Variants in EPM2A observed in about 807,000 individuals in gnomAD.
The protein encoded by EPM2A is EPM2A glucan phosphatase, laforin.
Under a neutral mutation model 26.5 loss-of-function variants are expected in EPM2A, and 21 were observed. The observed-to-expected ratio is 0.79, with a 90% CI of 0.56 to 1.14. EPM2A has a LOEUF of 1.14. Ranked by LOEUF, EPM2A falls within the 50% of genes most tolerant of loss-of-function variation. The pLI is 0.00. For missense variants in EPM2A, 458 were observed against 440.8 expected, an observed-to-expected ratio of 1.04 and a Z score of -0.35; for synonymous variants, 217 against 177.6, an observed-to-expected ratio of 1.22 and a Z score of -1.76.
chr6:145,568,322 CTTTTT>C, intron 2 of EPM2A, among the ~76,000 whole-genome samples: 1 of 140,066 alleles, frequency 7.1e-6, no homozygotes, highest in Non-Finnish European at 1.6e-5. Context: ...GGACATCTGA[CTTTTT>C]TTTTTTTTTT....
intron 2 of EPM2A, among the ~76,000 whole-genome samples, chr6:145,555,275 A>C (rs985079160): frequency 7.2e-5 from 11 of 151,988 alleles, no homozygotes; most frequent in Non-Finnish European, 1.2e-4. Context: ...GTAACCCTGG[A>C]CCAGCTCCAG....
At chr6:145,517,261 A>T (rs1451426875) in intron 2 of EPM2A, among the ~76,000 whole-genome samples, 1 of 152,170 alleles carries the variant, frequency 6.6e-6, no homozygotes, top group East Asian at 1.9e-4. Context: ...AGTTCTAGAG[A>T]TCTGTTATAC....
chr6:145,724,218 T>C (rs1193126036), intron 1 of EPM2A, among the ~76,000 whole-genome samples: 1 of 152,034 alleles, frequency 6.6e-6, no homozygotes, highest in Non-Finnish European at 1.5e-5. Context: ...TATGAAACAA[T>C]GGAAATTACA....
At chr6:145,720,445 A>T (rs1044853922) in intron 1 of EPM2A, among the ~76,000 whole-genome samples, 1 of 152,184 alleles carries the variant, frequency 6.6e-6, no homozygotes, top group Non-Finnish European at 1.5e-5. Context: ...GCAACACTTT[A>T]AACTAATGTC....
intron 2 of EPM2A, among the ~76,000 whole-genome samples, chr6:145,643,330 G>T (rs1777222940): frequency 6.6e-6 from 1 of 152,050 alleles, no homozygotes; most frequent in Non-Finnish European, 1.5e-5. Flanking sequence ...GCCTGCATAT[G>T]GCCCAAAACT....
intron 2 of EPM2A, among the ~76,000 whole-genome samples, chr6:145,648,722 A>G (rs1405537044): frequency 6.6e-6 from 1 of 152,208 alleles, no homozygotes; most frequent in Non-Finnish European, 1.5e-5. Context: ...AAATGATTCT[A>G]ATGTACATTA....
At chr6:145,594,656 T>G (rs1304890518) in intron 2 of EPM2A, among the ~76,000 whole-genome samples, 1 of 151,968 alleles carries the variant, frequency 6.6e-6, no homozygotes, top group Non-Finnish European at 1.5e-5. Context: ...ATACTTTTAC[T>G]CAATTATTTT....
At chr6:145,620,536 C>G (rs183902664), downstream of EPM2A, among the ~76,000 whole-genome samples, 17 of 152,306 alleles carry the variant, frequency 1.1e-4, no homozygotes, top group East Asian at 3.1e-3. Context: ...ATAAGGATTT[C>G]TATCAAATAA....
rs187473004 is a variant in EPM2A at position 145,712,276 on chromosome 6, C to G, written c.301+22922G>C. Among the ~76,000 whole-genome samples the G allele has an allele frequency of 2.4e-3, 363 of 152,176 alleles. 3 individuals are homozygous for G. The highest frequency in any genetic ancestry group is 8.6e-3 in the African/African-American group (357 of 41,536). On this transcript the variant is annotated intron_variant, in intron 1 of 3. Transcript: ENST00000367519. Reference sequence around the variant, plus strand: ...TGATAGGAAGAGGACCAATAATTAACAGCAGAAACAATAGCTGGGTCAGCT... The same window carrying G: ...TGATAGGAAGAGGACCAATAATTAAGAGCAGAAACAATAGCTGGGTCAGCT...
At chr6:145,726,183 G>A (rs1776196209) in intron 1 of EPM2A, among the ~76,000 whole-genome samples, 6 of 152,026 alleles carry the variant, frequency 3.9e-5, no homozygotes, top group Admixed American at 3.9e-4. Flanking sequence ...ATGGGGGGAT[G>A]TCAAAGAGAC....
chr6:145,430,533 G>A (rs765103450), intron 4 of EPM2A, among the ~76,000 whole-genome samples: 7 of 150,436 alleles, frequency 4.7e-5, no homozygotes, highest in East Asian at 2.0e-4. Context: ...CCTGGAGGGC[G>A]GAGGTTGCAG....
At chr6:145,528,036 T>C (rs756820377) in intron 2 of EPM2A, among the ~76,000 whole-genome samples, 1 of 152,176 alleles carries the variant, frequency 6.6e-6, no homozygotes, top group Non-Finnish European at 1.5e-5. Flanking sequence ...AACATTCCCT[T>C]AAACTAAAGC....
chr6:145,404,135 T>G (rs1174981995), intron 4 of EPM2A, among the ~76,000 whole-genome samples: 1 of 152,128 alleles, frequency 6.6e-6, no homozygotes, highest in African/African-American at 2.4e-5. Flanking sequence ...CCTATAGAAC[T>G]GCTTGAGCTC....
At chr6:145,652,083 C>A (rs1298727327) in intron 2 of EPM2A, among the ~76,000 whole-genome samples, 4 of 152,092 alleles carry the variant, frequency 2.6e-5, no homozygotes, top group Admixed American at 2.0e-4. Context: ...TTATTTTTTC[C>A]TTTTATGACC....
chr6:145,489,687 A>G (rs1779729543), intron 4 of EPM2A: 1 of 1,388,850 alleles, frequency 7.2e-7, no homozygotes, highest in East Asian at 2.3e-5. Context: ...CAGCTTCAGA[A>G]TCCACTGTTG....
intron 2 of EPM2A, among the ~76,000 whole-genome samples, chr6:145,611,246 C>T (rs1308202643): frequency 1.3e-5 from 2 of 151,942 alleles, no homozygotes; most frequent in Non-Finnish European, 2.9e-5. Context: ...AATCACCTTG[C>T]AAAGAGATTT....
At chr6:145,407,136 A>G (rs1778579826) in intron 4 of EPM2A, among the ~76,000 whole-genome samples, 1 of 152,074 alleles carries the variant, frequency 6.6e-6, no homozygotes, top group Non-Finnish European at 1.5e-5. Context: ...AGTTTTCCAA[A>G]TTTGAAAAAG....
In EPM2A at chr6:145,493,727, T is replaced by C. The variant is rs528194531; in HGVS notation, c.555+8795A>G. ...TGGTAAAATTTTATCAAAAGCCATCTCTTTATCTATTGAGATAATCACGTG... is the reference window on the plus strand; with the variant it reads ...TGGTAAAATTTTATCAAAAGCCATCCCTTTATCTATTGAGATAATCACGTG... On this transcript the variant is annotated intron_variant, in intron 4 of 4. Coordinates refer to the EPM2A transcript ENST00000638717. Among the ~76,000 whole-genome samples the C allele has an allele frequency of 5.3e-5, 8 of 152,374 alleles. No individual in the cohort carries two copies. In the South Asian group the frequency reaches 1.7e-3, roughly 32 times the overall value.
chr6:145,516,702 T>C (rs912365487), intron 2 of EPM2A, among the ~76,000 whole-genome samples: 1 of 152,108 alleles, frequency 6.6e-6, no homozygotes, highest in African/African-American at 2.4e-5. Flanking sequence ...GTGATAGACC[T>C]TGGATCTCAA....
Sources: allele counts gnomAD v4.1 joint callset (sites outside exome capture counted in the v4.1 genomes callset), GRCh38; gene constraint gnomAD v4.1.1; transcripts MANE v1.5; gene names NCBI Gene and HGNC (gene_info 2026-07-23, HGNC 2026-07-21).